Variants in CSMD3 observed in about 807,000 individuals in gnomAD.
CSMD3 encodes CUB and Sushi multiple domains 3.
Under a neutral mutation model 435.2 loss-of-function variants are expected in CSMD3, and 177 were observed. That is an observed-to-expected ratio of 0.41 (90% CI 0.36 to 0.46). The LOEUF (loss-of-function observed/expected upper bound fraction) is 0.46, where lower values mean the gene tolerates loss of function less well. Among genes scored for constraint, CSMD3 ranks in the 20% least tolerant of loss-of-function variants. CSMD3 has a pLI of 0.34. For missense variants in CSMD3, 4,265 were observed against 4,504.6 expected (o/e 0.95, Z 1.52); for synonymous variants, 1,656 against 1,520.5 (o/e 1.09, Z -2.07).
At chr8:112,530,794 G>C (rs954415720) in intron 27 of CSMD3, among the ~76,000 whole-genome samples, 1 of 152,238 alleles carries the variant, frequency 6.6e-6, no homozygotes, top group East Asian at 1.9e-4. Context: ...CCTTGACTCC[G>C]AGCCAATACC....
At chr8:112,847,632 A>C (rs1208069674) in intron 11 of CSMD3, among the ~76,000 whole-genome samples, 2 of 152,158 alleles carry the variant, frequency 1.3e-5, no homozygotes, top group African/African-American at 4.8e-5. Context: ...TATAGTCTGC[A>C]GAAAAGTGAC....
intron 13 of CSMD3, among the ~76,000 whole-genome samples, chr8:112,764,560 C>G (rs771380752): frequency 6.6e-6 from 1 of 151,224 alleles, no homozygotes; most frequent in Non-Finnish European, 1.5e-5. Context: ...TAAGTGTACA[C>G]AGTTCAAAAA....
intron 22 of CSMD3, among the ~76,000 whole-genome samples, chr8:112,604,221 T>C (rs998564317): frequency 1.3e-5 from 2 of 152,198 alleles, no homozygotes; most frequent in African/African-American, 4.8e-5. Flanking sequence ...TAAGAACTGT[T>C]TGCAGTAGAG....
chr8:112,851,005 A>T lies in CSMD3; in HGVS notation c.1755+8140T>A, dbSNP rs2080467485. ...AGTTATTACTTTTATTTTTAATATA[A>T]CATTATATTTTAGTTCATCTTGTGT... On this transcript the variant is annotated intron_variant, in intron 11 of 70. Transcript: ENST00000297405. Among the ~76,000 whole-genome samples the T allele has an allele frequency of 2.0e-5, 3 of 152,198 alleles. No individual in the cohort carries two copies. The South Asian group carries it at 6.2e-4, about 31-fold the overall frequency.
chr8:112,415,179 G>C lies in CSMD3; in HGVS notation c.5396-6147C>G, dbSNP rs368067348. Reference sequence around the variant, plus strand: ...CCATCAAAGGCCCAAAGGCTTAGGAGGGAAAAATGGTTTCCTGGGCTGGCT... The same window carrying C: ...CCATCAAAGGCCCAAAGGCTTAGGACGGAAAAATGGTTTCCTGGGCTGGCT... On this transcript the variant is annotated intron_variant, in intron 32 of 70. Transcript: ENST00000297405. Among the ~76,000 whole-genome samples the C allele has an allele frequency of 2.0e-5, 3 of 152,310 alleles. 1 individual carries two copies. In the South Asian group the frequency reaches 6.2e-4, roughly 32 times the overall value.
chr8:112,619,508 T>C (rs528869922), intron 22 of CSMD3, among the ~76,000 whole-genome samples: 97 of 152,178 alleles, frequency 6.4e-4, no homozygotes, highest in Non-Finnish European at 1.1e-3. Flanking sequence ...CTATCCTTTC[T>C]CTCAGCTCAT....
At chr8:112,883,567 A>T (rs1023296094) in intron 10 of CSMD3, among the ~76,000 whole-genome samples, 22 of 152,022 alleles carry the variant, frequency 1.4e-4, no homozygotes, top group African/African-American at 4.3e-4. Flanking sequence ...TTTTTGTAAT[A>T]ATTTTAGAGT....
At chr8:112,969,021 A>G (rs1384654503) in intron 7 of CSMD3, among the ~76,000 whole-genome samples, 2 of 152,002 alleles carry the variant, frequency 1.3e-5, no homozygotes, top group African/African-American at 4.8e-5. Context: ...TTTATGCATA[A>G]TAATATAGCC....
At chr8:112,489,929 C>T (rs915265483) in intron 31 of CSMD3, among the ~76,000 whole-genome samples, 6 of 152,098 alleles carry the variant, frequency 3.9e-5, no homozygotes, top group Non-Finnish European at 5.9e-5. Context: ...TTTTTAAATA[C>T]TCAACACCTG....
At chr8:112,558,575 T>G (rs2131235598) in intron 24 of CSMD3, among the ~76,000 whole-genome samples, 1 of 151,994 alleles carries the variant, frequency 6.6e-6, no homozygotes, top group Non-Finnish European at 1.5e-5. Flanking sequence ...TTATTATGCT[T>G]TTCTCTTGTC....
intron 1 of CSMD3, among the ~76,000 whole-genome samples, chr8:113,372,602 CTGAT>C (rs2094352801): frequency 6.6e-6 from 1 of 152,118 alleles, no homozygotes. Flanking sequence ...TGTAAGTAAT[CTGAT>C]TGCTTTATTT....
chr8:112,696,307 C>A (rs2076254385), intron 13 of CSMD3, among the ~76,000 whole-genome samples: 1 of 152,132 alleles, frequency 6.6e-6, no homozygotes, highest in South Asian at 2.1e-4. Context: ...AGGCATCATG[C>A]TACCTGACTT....
At position 112,979,436 on chromosome 8, in the gene CSMD3, G is replaced by T. The variant is rs113717489; in HGVS notation, c.1031-3288C>A. On this transcript the variant is annotated intron_variant, in intron 6 of 70. Transcript: ENST00000297405. ...ATATTGGTAATATTTTAAATTGGCA[G>T]TGTATGAAACACAGATTTTTAAATT... is the stretch of plus-strand genomic sequence containing the variant. 6.7e-3 allele frequency among the ~76,000 whole-genome samples: 1,009 copies of T among 151,614 alleles called. 12 individuals are homozygous for T. Among genetic ancestry groups the T allele is most frequent in the African/African-American group, 0.023 (967 of 41,472 alleles).
intron 1 of CSMD3, among the ~76,000 whole-genome samples, chr8:113,348,650 AG>A (rs997282579): frequency 3.3e-5 from 5 of 152,136 alleles, no homozygotes; most frequent in African/African-American, 1.2e-4. Context: ...GTTCATATTC[AG>A]TTAAAAATGT....
chr8:113,435,712 G>A (rs1178956423), intron 1 of CSMD3, among the ~76,000 whole-genome samples: 2 of 152,072 alleles, frequency 1.3e-5, no homozygotes, highest in African/African-American at 4.8e-5. Flanking sequence ...AGTATGGAGA[G>A]GTGATTGTTC....
intron 1 of CSMD3, among the ~76,000 whole-genome samples, chr8:113,354,353 A>G (rs889623264): frequency 1.3e-5 from 2 of 152,224 alleles, no homozygotes; most frequent in African/African-American, 4.8e-5. Flanking sequence ...AAATTTAGCT[A>G]AAGTTTATTT....
chr8:112,390,052 T>C (rs775778672), intron 36 of CSMD3, among the ~76,000 whole-genome samples: 4 of 152,214 alleles, frequency 2.6e-5, no homozygotes, highest in Non-Finnish European at 4.4e-5. Flanking sequence ...TATTGCTTAC[T>C]CCTGATACGT....
Position 113,177,662 on chromosome 8 carries a change from C to A in CSMD3, c.515-3746G>T, listed in dbSNP as rs2092366441. ...TGAACTGAGATCACTGGAAAATAAA[C>A]CTGAAGAATTTGTACTCAAAATATG... On this transcript the variant is annotated intron_variant, in intron 3 of 70. Coordinates refer to ENST00000297405, the MANE Select transcript of CSMD3 (RefSeq NM_198123.2). 4.0e-5 allele frequency among the ~76,000 whole-genome samples: 6 copies of A among 151,832 alleles called. No homozygotes were observed. The Admixed American group carries it at 4.0e-4, about 10-fold the overall frequency.
chr8:113,330,588 T>G (rs923383428), intron 1 of CSMD3, among the ~76,000 whole-genome samples: 2 of 151,660 alleles, frequency 1.3e-5, no homozygotes, highest in Non-Finnish European at 3.0e-5. Context: ...GAAAGTAAAA[T>G]AAAAGGATGG....
Sources: allele counts gnomAD v4.1 joint callset (sites outside exome capture counted in the v4.1 genomes callset), GRCh38; gene constraint gnomAD v4.1.1; transcripts MANE v1.5; gene names NCBI Gene and HGNC (gene_info 2026-07-23, HGNC 2026-07-21).